The following FKBP9 variants were observed in gnomAD, a reference collection of about 807,000 sequenced individuals.
The protein encoded by FKBP9 is peptidyl-prolyl cis-trans isomerase FKBP9.
In FKBP9, 27 loss-of-function variants were observed where a neutral mutation model predicts 55.6. The ratio of observed to expected loss-of-function variants is 0.49; its 90% CI spans 0.36 to 0.67. The LOEUF is 0.67. Ranked by LOEUF, FKBP9 falls within the 30% of genes least tolerant of loss-of-function variation. The pLI, the probability that FKBP9 is intolerant of heterozygous loss-of-function variation, is 0.00. For synonymous variants in FKBP9, 267 were observed against 296.5 expected (o/e 0.90, Z 1.02); for missense variants, 539 against 742.8 (o/e 0.73, Z 3.19).
At chr7:32,959,766 C>T (rs1224138996) in intron 1 of FKBP9, among the ~76,000 whole-genome samples, 3 of 152,100 alleles carry the variant, frequency 2.0e-5, no homozygotes, top group Non-Finnish European at 4.4e-5. Flanking sequence ...GGTTCATTTA[C>T]GGTGTAAGGT....
chr7:32,957,802 G>A lies in FKBP9; in HGVS notation c.221+8G>A, dbSNP rs751063398. The A allele has an allele frequency of 1.4e-6, 2 of 1,430,640 alleles. No homozygotes were observed. The highest frequency in any genetic ancestry group is 3.0e-5 in the South Asian group (2 of 66,740). The allele number at this position is 1,430,640 out of a possible 1,614,324, so 88.6% of individuals were successfully genotyped here. On this transcript the variant is annotated splice_region_variant and intron_variant, in intron 1 of 9. Coordinates refer to ENST00000242209, the MANE Select transcript of FKBP9 (RefSeq NM_007270.5). Reference sequence around the variant, plus strand: ...CCAGAAGTTCGACTCCAGGTACCGCGCCCTTGGCGCCCGGCGCGGCCTCAG... The same window carrying A: ...CCAGAAGTTCGACTCCAGGTACCGCACCCTTGGCGCCCGGCGCGGCCTCAG...
chr7:32,994,456 A>T (rs1440417878), intron 6 of FKBP9, among the ~76,000 whole-genome samples: 1 of 152,138 alleles, frequency 6.6e-6, no homozygotes, highest in African/African-American at 2.4e-5. Context: ...CTGCCTCTGC[A>T]GACACCCACC....
intron 8 of FKBP9, chr7:33,002,159 A>T (rs1487195314): frequency 2.6e-5 from 4 of 151,436 alleles, no homozygotes; most frequent in Non-Finnish European, 4.4e-5. Context: ...TTTGAGATGG[A>T]GTCTCACTCG....
intron 9 of FKBP9, 35 bp from the exon 10 acceptor site, chr7:33,005,140 G>A: frequency 6.2e-7 from 1 of 1,602,444 alleles, no homozygotes; most frequent in East Asian, 2.2e-5. Flanking sequence ...CATGGCGGCT[G>A]AACTCATGGT....
intron 5 of FKBP9, among the ~76,000 whole-genome samples, chr7:32,988,281 G>T (rs954457420): frequency 1.3e-5 from 2 of 152,216 alleles, no homozygotes; most frequent in Non-Finnish European, 2.9e-5. Context: ...AAACTGGAGG[G>T]CCACATGGCG....
chr7:32,967,463 T>C (rs2127977743), intron 1 of FKBP9, among the ~76,000 whole-genome samples: 1 of 152,360 alleles, frequency 6.6e-6, no homozygotes, highest in Admixed American at 6.5e-5. Flanking sequence ...CCTCATATAA[T>C]TCGTGGAATC....
At chr7:32,974,864 T>A (rs1278187849) in intron 2 of FKBP9, 102 bp downstream of exon 2, 1 of 1,135,346 alleles carries the variant, frequency 8.8e-7, no homozygotes, top group Non-Finnish European at 1.3e-6. Flanking sequence ...AGCTTTAGAT[T>A]GGGGGAAAAT....
chr7:32,965,809 AAAAAT>A (rs1265137741), intron 1 of FKBP9, among the ~76,000 whole-genome samples: 1 of 16,706 alleles, frequency 6.0e-5, no homozygotes, highest in African/African-American at 1.8e-4. Flanking sequence ...AAAAAAAAAA[AAAAAT>A]ATATATATAT....
chr7:32,995,566 T>G (rs1167917611), intron 6 of FKBP9, among the ~76,000 whole-genome samples: 1 of 152,176 alleles, frequency 6.6e-6, no homozygotes, highest in Non-Finnish European at 1.5e-5. Flanking sequence ...GTCTTCAAAA[T>G]TGGAAATTAT....
intron 4 of FKBP9, among the ~76,000 whole-genome samples, chr7:32,977,376 C>T (rs777110227): frequency 6.6e-6 from 1 of 152,182 alleles, no homozygotes; most frequent in Non-Finnish European, 1.5e-5. Flanking sequence ...CTTACACAAT[C>T]CTAGGTGCTA....
At chr7:33,000,009 A>C in intron 7 of FKBP9, 106 bp from the exon 8 acceptor site, 2 of 1,358,782 alleles carry the variant, frequency 1.5e-6, no homozygotes, top group South Asian at 2.5e-5. Flanking sequence ...AGGGATTTGC[A>C]TTTCTTTGGT....
intron 6 of FKBP9, among the ~76,000 whole-genome samples, chr7:32,989,478 C>T (rs1021905721): frequency 5.3e-5 from 8 of 151,494 alleles, no homozygotes; most frequent in Admixed American, 1.3e-4. Context: ...TACAGTGGCA[C>T]GATCTTGGCT....
In FKBP9 at chr7:32,957,768, C is replaced by T. The variant is rs1213525297; in HGVS notation, c.195C>T (p.Phe65=). 4 of 1,464,610 alleles carry T rather than the reference C, an allele frequency of 2.7e-6. No individual in the cohort carries two copies. Among genetic ancestry groups the T allele is most frequent in the Non-Finnish European group, 3.6e-6 (4 of 1,110,376 alleles). 90.7% of individuals were successfully genotyped at this position (1,464,610 alleles called of 1,614,324 possible). ...DFVRYHYVGT[F]PDGQKFDSSY... ...TGCGCTACCACTACGTGGGGACGTT[C>T]CCCGACGGCCAGAAGTTCGACTCCA... The change falls in exon 1 of 10, where the codon TTC becomes TTT. Residue 65 remains phenylalanine (F), a synonymous_variant. Coordinates refer to ENST00000242209, the MANE Select transcript of FKBP9 (RefSeq NM_007270.5).
At chr7:32,971,264 G>C (rs1342065143) in intron 1 of FKBP9, among the ~76,000 whole-genome samples, 1 of 152,200 alleles carries the variant, frequency 6.6e-6, no homozygotes, top group Non-Finnish European at 1.5e-5. Flanking sequence ...TATTTTTCCA[G>C]ATGGTCAGAA....
At chr7:32,960,530 G>A (rs1333995314) in intron 1 of FKBP9, among the ~76,000 whole-genome samples, 1 of 152,202 alleles carries the variant, frequency 6.6e-6, no homozygotes, top group Non-Finnish European at 1.5e-5. Flanking sequence ...GACCATTTGT[G>A]TATCTTCTTT....
chr7:32,979,403 G>A, intron 4 of FKBP9: 1 of 803,532 alleles, frequency 1.2e-6, no homozygotes, highest in South Asian at 1.5e-5. Flanking sequence ...TTTAGGGATT[G>A]ACCACACCTT....
chr7:32,989,031 T>G (rs1176131151), intron 6 of FKBP9: 1 of 158,204 alleles, frequency 6.3e-6, no homozygotes, highest in Non-Finnish European at 1.4e-5. Context: ...TTGAAAATGT[T>G]AAATCCTACA....
chr7:32,973,990 C>T (rs2127980029), intron 1 of FKBP9, among the ~76,000 whole-genome samples: 1 of 151,820 alleles, frequency 6.6e-6, no homozygotes, highest in Non-Finnish European at 1.5e-5. Flanking sequence ...CTGCACCTGG[C>T]TGTAAAGTCT....
intron 1 of FKBP9, among the ~76,000 whole-genome samples, chr7:32,962,175 T>C (rs1354996181): frequency 1.3e-5 from 2 of 151,962 alleles, no homozygotes; most frequent in Admixed American, 1.3e-4. Flanking sequence ...GGCGGGCAGA[T>C]CACCTGAGGG....
Sources: allele counts gnomAD v4.1 joint callset (sites outside exome capture counted in the v4.1 genomes callset), GRCh38; gene constraint gnomAD v4.1.1; transcripts MANE v1.5; gene names NCBI Gene and HGNC (gene_info 2026-07-23, HGNC 2026-07-21).